RUNX1: variants seen among roughly 807,000 people sequenced by gnomAD.
RUNX1 encodes the protein runt-related transcription factor 1.
RUNX1 carries 19 observed loss-of-function variants against 42.8 expected under a neutral mutation model. The ratio of observed to expected loss-of-function variants is 0.44; its 90% CI spans 0.31 to 0.65. RUNX1 has a LOEUF of 0.65. Among genes scored for constraint, RUNX1 ranks in the 30% least tolerant of loss-of-function variants. RUNX1 has a pLI of 0.07. For synonymous variants in RUNX1, 271 were observed against 289.4 expected, an observed-to-expected ratio of 0.94 and a Z score of 0.64; for missense variants, 528 against 672.0, an observed-to-expected ratio of 0.79 and a Z score of 2.37.
chr21:35,015,808 A>C (rs144399718), intron 2 of RUNX1, among the ~76,000 whole-genome samples: 1 of 152,382 alleles, frequency 6.6e-6, no homozygotes, highest in East Asian at 1.9e-4. Context: ...ACAGACAACA[A>C]AACTGAGATT....
At chr21:34,989,219 G>T (rs1455379193) in intron 2 of RUNX1, among the ~76,000 whole-genome samples, 1 of 151,976 alleles carries the variant, frequency 6.6e-6, no homozygotes, top group Non-Finnish European at 1.5e-5. Flanking sequence ...ATATTGGCCA[G>T]GCTGGTCTTG....
At position 34,936,837 on chromosome 21, in the gene RUNX1, T is replaced by C. The variant is rs1601589543; in HGVS notation, c.59-43874A>G. On this transcript the variant is annotated intron_variant, in intron 2 of 8. Transcript: ENST00000675419. ...ACATCTTCTGTAATTTCTATGTAAA[T>C]ACTTGACAGTTGAAAAGAATTCTTT... Among the ~76,000 whole-genome samples the C allele has an allele frequency of 3.3e-5, 5 of 152,212 alleles. No individual in the cohort carries two copies. In the South Asian group the frequency reaches 1.0e-3, roughly 32 times the overall value.
At chr21:35,007,094 G>A (rs967105284) in intron 2 of RUNX1, among the ~76,000 whole-genome samples, 1 of 152,152 alleles carries the variant, frequency 6.6e-6, no homozygotes. Context: ...TCAAAGACTC[G>A]GGAAAGAGAA....
chr21:35,014,134 A>T (rs1476098494), intron 2 of RUNX1, among the ~76,000 whole-genome samples: 1 of 152,232 alleles, frequency 6.6e-6, no homozygotes, highest in Non-Finnish European at 1.5e-5. Flanking sequence ...GAACTTTTGA[A>T]ATAAGACAAA....
intron 2 of RUNX1, among the ~76,000 whole-genome samples, chr21:34,953,921 A>T (rs1271746422): frequency 6.6e-6 from 1 of 152,242 alleles, no homozygotes; most frequent in Non-Finnish European, 1.5e-5. Context: ...AAAACTCAGT[A>T]AGCAAAAGAA....
intron 6 of RUNX1, 112 bp downstream of exon 6, chr21:34,859,362 C>G: frequency 1.1e-6 from 1 of 899,300 alleles, no homozygotes; most frequent in Non-Finnish European, 1.9e-6. Flanking sequence ...GGCCTGACAT[C>G]CCCCTGGGGG....
chr21:34,885,170 C>A (rs868621232), intron 4 of RUNX1, among the ~76,000 whole-genome samples: 1 of 152,070 alleles, frequency 6.6e-6, no homozygotes, highest in Non-Finnish European at 1.5e-5. Flanking sequence ...ATTTCCCCCC[C>A]AAAAGGAAGC....
At chr21:34,847,379 C>G (rs1432033906) in intron 6 of RUNX1, among the ~76,000 whole-genome samples, 1 of 151,938 alleles carries the variant, frequency 6.6e-6, no homozygotes, top group Non-Finnish European at 1.5e-5. Context: ...TTTCTTCTCA[C>G]CAATCCTGAA....
chr21:34,799,581 T>A, intron 7 of RUNX1, 119 bp from the exon 8 acceptor site: 1 of 837,598 alleles, frequency 1.2e-6, no homozygotes. Context: ...GTGGCCTATG[T>A]ACCAGGGTTT....
intron 2 of RUNX1, among the ~76,000 whole-genome samples, chr21:34,958,253 C>T (rs1308028435): frequency 1.3e-5 from 2 of 152,146 alleles, no homozygotes; most frequent in African/African-American, 2.4e-5. Context: ...CCTTCCCCTC[C>T]CCTACAGAGG....
chr21:35,005,856 C>A (rs1353726837), intron 2 of RUNX1, among the ~76,000 whole-genome samples: 1 of 152,164 alleles, frequency 6.6e-6, no homozygotes, highest in East Asian at 1.9e-4. Flanking sequence ...GATTTTCCTG[C>A]CACATTTGCA....
intron 5 of RUNX1, among the ~76,000 whole-genome samples, chr21:34,878,170 A>T (rs1422780275): frequency 1.9e-5 from 1 of 51,656 alleles, no homozygotes; most frequent in Non-Finnish European, 3.6e-5. Context: ...AGCAAATTGC[A>T]AAAAAAAAAA....
At position 34,962,418 on chromosome 21, in the gene RUNX1, C is replaced by T. The variant is rs1394491065; in HGVS notation, c.59-69455G>A. On this transcript the variant is annotated intron_variant, in intron 2 of 8. Transcript: ENST00000675419. Reference sequence around the variant, plus strand: ...AAAGTTTCTTTCTCTGCTTTTCATTCTCCTGTTAACTCTTCCCTTTTGCTA... The same window carrying T: ...AAAGTTTCTTTCTCTGCTTTTCATTTTCCTGTTAACTCTTCCCTTTTGCTA... Among the ~76,000 whole-genome samples the T allele has an allele frequency of 3.9e-5, 6 of 152,322 alleles. No homozygotes were observed. In the East Asian group the frequency reaches 1.2e-3, roughly 29 times the overall value.
chr21:34,942,709 G>A (rs761338225), intron 2 of RUNX1, among the ~76,000 whole-genome samples: 1 of 152,206 alleles, frequency 6.6e-6, no homozygotes, highest in Non-Finnish European at 1.5e-5. Context: ...TTCCATGGTT[G>A]AGATGACACC....
At chr21:35,001,105 G>A (rs546689548) in intron 2 of RUNX1, among the ~76,000 whole-genome samples, 1 of 152,180 alleles carries the variant, frequency 6.6e-6, no homozygotes, top group African/African-American at 2.4e-5. Context: ...ATCGACTAAT[G>A]CTGGTTTTAC....
At chr21:34,839,899 C>G (rs539416878) in intron 6 of RUNX1, among the ~76,000 whole-genome samples, 36 of 152,292 alleles carry the variant, frequency 2.4e-4, no homozygotes, top group African/African-American at 8.4e-4. Context: ...ACTAAATATG[C>G]CTGAACTGTG....
At chr21:34,853,492 G>C (rs754175323) in intron 6 of RUNX1, among the ~76,000 whole-genome samples, 1 of 152,184 alleles carries the variant, frequency 6.6e-6, no homozygotes, top group Non-Finnish European at 1.5e-5. Flanking sequence ...GCATCGGTGC[G>C]TGCCAGCATC....
chr21:34,942,987 T>C (rs1010529197), intron 2 of RUNX1, among the ~76,000 whole-genome samples: 2 of 152,212 alleles, frequency 1.3e-5, no homozygotes, highest in African/African-American at 4.8e-5. Context: ...TGTGTTGGGC[T>C]GAGGGCAGCG....
chr21:34,922,080 T>C (rs191360858), intron 2 of RUNX1, among the ~76,000 whole-genome samples: 28 of 152,356 alleles, frequency 1.8e-4, no homozygotes, highest in Non-Finnish European at 3.1e-4. Flanking sequence ...TAATAGACAC[T>C]TGATGGCCGC....
Sources: allele counts gnomAD v4.1 joint callset (sites outside exome capture counted in the v4.1 genomes callset), GRCh38; gene constraint gnomAD v4.1.1; transcripts MANE v1.5; gene names NCBI Gene and HGNC (gene_info 2026-07-23, HGNC 2026-07-21).